Variants in NRG3 observed in about 807,000 individuals in gnomAD.
NRG3 encodes the protein pro-neuregulin-3, membrane-bound isoform.
NRG3 carries 31 observed loss-of-function variants against 66.9 expected under a neutral mutation model. That is an observed-to-expected ratio of 0.46 (90% CI 0.35 to 0.63). The LOEUF is 0.63. Ranked by LOEUF, NRG3 falls within the 20% of genes least tolerant of loss-of-function variation. The pLI is 0.00. For synonymous variants in NRG3, 393 were observed against 359.4 expected (o/e 1.09, Z -1.06); for missense variants, 910 against 878.9 (o/e 1.04, Z -0.45).
At chr10:82,161,263 T>G (rs2071577011) in intron 1 of NRG3, among the ~76,000 whole-genome samples, 2 of 152,126 alleles carry the variant, frequency 1.3e-5, no homozygotes, top group African/African-American at 2.4e-5. Flanking sequence ...GGACTTTAGT[T>G]ATCAATCACT....
At chr10:82,240,372 T>C (rs894642502) in intron 1 of NRG3, among the ~76,000 whole-genome samples, 1 of 151,854 alleles carries the variant, frequency 6.6e-6, no homozygotes, top group Admixed American at 6.6e-5. Context: ...AGATTTCAGA[T>C]ACATATAAAA....
chr10:82,002,850 G>T (rs1330295314), intron 1 of NRG3, among the ~76,000 whole-genome samples: 1 of 151,968 alleles, frequency 6.6e-6, no homozygotes, highest in Non-Finnish European at 1.5e-5. Context: ...TGTATGATTT[G>T]TTCATTCTTT....
At chr10:82,541,623 G>T (rs146994448) in intron 2 of NRG3, among the ~76,000 whole-genome samples, 14 of 152,176 alleles carry the variant, frequency 9.2e-5, no homozygotes, top group African/African-American at 3.1e-4. Flanking sequence ...TAACCAGTTA[G>T]GTCAGGGGTC....
intron 1 of NRG3, among the ~76,000 whole-genome samples, chr10:82,109,852 T>G (rs963480044): frequency 3.3e-5 from 5 of 152,148 alleles, no homozygotes; most frequent in Non-Finnish European, 4.4e-5. Flanking sequence ...AGTTTCACAG[T>G]TTGACCAAGA....
intron 1 of NRG3, among the ~76,000 whole-genome samples, chr10:81,965,257 G>A (rs775892512): frequency 5.9e-5 from 9 of 152,236 alleles, no homozygotes; most frequent in African/African-American, 1.9e-4. Context: ...AAAAATTTCT[G>A]TCTCTCTCTG....
intron 2 of NRG3, among the ~76,000 whole-genome samples, chr10:82,583,077 G>A (rs1427601733): frequency 1.3e-5 from 2 of 152,126 alleles, no homozygotes; most frequent in Non-Finnish European, 2.9e-5. Flanking sequence ...AGAAAGAAAT[G>A]TTTCAATGGT....
At chr10:82,512,516 C>T (rs1845283657) in intron 2 of NRG3, among the ~76,000 whole-genome samples, 1 of 152,064 alleles carries the variant, frequency 6.6e-6, no homozygotes, top group African/African-American at 2.4e-5. Flanking sequence ...GAACTCCTGG[C>T]CTTGGCCTCC....
chr10:82,976,001 G>A (rs1448890011), intron 7 of NRG3, among the ~76,000 whole-genome samples: 6 of 151,970 alleles, frequency 3.9e-5, no homozygotes, highest in Non-Finnish European at 5.9e-5. Flanking sequence ...AATCTATTAC[G>A]GCATGTCATA....
intron 2 of NRG3, among the ~76,000 whole-genome samples, chr10:82,707,461 C>T (rs965069607): frequency 3.3e-5 from 5 of 151,890 alleles, no homozygotes; most frequent in Admixed American, 6.6e-5. Context: ...TCAACCTCAG[C>T]CTCCCAGCTC....
chr10:82,082,787 C>T (rs1309058302), intron 1 of NRG3, among the ~76,000 whole-genome samples: 1 of 152,100 alleles, frequency 6.6e-6, no homozygotes, highest in South Asian at 2.1e-4. Context: ...GGTTGGAGGC[C>T]CTGGGTCTCC....
intron 5 of NRG3, among the ~76,000 whole-genome samples, chr10:82,952,572 A>G (rs1849649495): frequency 6.7e-6 from 1 of 148,610 alleles, no homozygotes; most frequent in Admixed American, 6.7e-5. Context: ...AAATGATATA[A>G]TCTGCACTTA....
chr10:82,149,904 A>C (rs2070573551), intron 1 of NRG3, among the ~76,000 whole-genome samples: 1 of 152,102 alleles, frequency 6.6e-6, no homozygotes, highest in Admixed American at 6.5e-5. Context: ...CTAGACTAGA[A>C]TAGAATAGAA....
chr10:82,984,957 C>G (rs1226656853), intron 8 of NRG3, 141 bp from the exon 9 acceptor site: 5 of 1,270,162 alleles, frequency 3.9e-6, no homozygotes, highest in Non-Finnish European at 5.7e-6. Flanking sequence ...CTCTGTTTAA[C>G]TGGGAACCTA....
At chr10:82,566,132 C>T (rs553059280) in intron 2 of NRG3, among the ~76,000 whole-genome samples, 7 of 152,104 alleles carry the variant, frequency 4.6e-5, no homozygotes, top group Middle Eastern at 3.4e-3. Flanking sequence ...ATAAGCCCTC[C>T]GTGAATGTTA....
At chr10:82,020,585 C>A (rs1283555794) in intron 1 of NRG3, among the ~76,000 whole-genome samples, 1 of 152,110 alleles carries the variant, frequency 6.6e-6, no homozygotes, top group Non-Finnish European at 1.5e-5. Flanking sequence ...TACCAGATTT[C>A]AAAGACTTTC....
intron 2 of NRG3, among the ~76,000 whole-genome samples, chr10:82,454,764 A>C (rs1465518656): frequency 6.6e-6 from 1 of 152,210 alleles, no homozygotes; most frequent in Non-Finnish European, 1.5e-5. Context: ...ATTCAAAGCA[A>C]ACAAAAAGTT....
chr10:82,003,803 A>G (rs542535321), intron 1 of NRG3, among the ~76,000 whole-genome samples: 1 of 152,168 alleles, frequency 6.6e-6, no homozygotes, highest in East Asian at 1.9e-4. Flanking sequence ...GGCAGCAGAG[A>G]AATAGCATGG....
intron 8 of NRG3, among the ~76,000 whole-genome samples, chr10:82,981,208 A>G (rs1852853744): frequency 6.6e-6 from 1 of 152,080 alleles, no homozygotes; most frequent in Non-Finnish European, 1.5e-5. Context: ...TTGCTTTTTT[A>G]ACCTCCTGGG....
chr10:82,099,747 G>T (rs538029677), intron 1 of NRG3, among the ~76,000 whole-genome samples: 1 of 152,116 alleles, frequency 6.6e-6, no homozygotes, highest in South Asian at 2.1e-4. Flanking sequence ...GAAGAGGGAG[G>T]ATTGCTTGAG....
Sources: gnomAD v4.1 joint callset for allele counts (sites outside exome capture counted in the v4.1 genomes callset) on GRCh38, gnomAD v4.1.1 for gene constraint, MANE v1.5 for transcripts, NCBI Gene and HGNC (gene_info 2026-07-23, HGNC 2026-07-21) for gene names.